LRP2: variants seen among roughly 807,000 people sequenced by gnomAD.
LRP2 encodes low-density lipoprotein receptor-related protein 2.
LRP2 carries 172 observed loss-of-function variants against 531.0 expected under a neutral mutation model. The ratio of observed to expected loss-of-function variants is 0.32; its 90% CI spans 0.29 to 0.37. LRP2 has a LOEUF of 0.37. Ranked by LOEUF, LRP2 falls within the 10% of genes least tolerant of loss-of-function variation. LRP2 has a pLI of 1.00. For synonymous variants in LRP2, 1,992 were observed against 2,027.6 expected (o/e 0.98, Z 0.47); for missense variants, 5,167 against 5,868.3 (o/e 0.88, Z 3.90).
In LRP2 at chr2:169,257,788, G is replaced by A. The variant is rs1690364411; in HGVS notation, c.2514-539C>T. 4.9e-5 allele frequency among the ~76,000 whole-genome samples: 7 copies of A among 141,516 alleles called. 1 individual carries two copies. The allele number at this position is 141,516 out of a possible 152,430, so 92.8% of individuals were successfully genotyped here. On this transcript the variant is annotated intron_variant, in intron 17 of 78. Transcript: ENST00000649046. Reference sequence around the variant, plus strand: ...CATTTTTTTAATATTCTAAAGAGTGGGAAAAAGATAAGTCTAGAGGCAAAA... The same window carrying A: ...CATTTTTTTAATATTCTAAAGAGTGAGAAAAAGATAAGTCTAGAGGCAAAA...
At position 169,206,765 on chromosome 2, in the gene LRP2, T is replaced by C. The variant is rs201038879; in HGVS notation, c.6955A>G (p.Asn2319Asp). 6.0e-5 allele frequency: 97 copies of C among 1,614,162 alleles called. No individual in the cohort carries two copies. The highest frequency in any genetic ancestry group is 1.3e-5 in the Non-Finnish European group (15 of 1,180,018). Reference protein sequence around the residue: ...NTEPPTVIRDNINWLRDVTIF... With the variant: ...NTEPPTVIRDDINWLRDVTIF... ...GTCACATCTCTTAGCCAGTTGATAT[T>C]GTCTCTTATCACTGTGGGTGGCTCT... The change falls in exon 39 of 79, where the codon AAT becomes GAT. Residue 2319 changes from asparagine (N) to aspartate (D), a missense_variant. Physicochemically the swap from Asn to Asp is conservative, Grantham distance 23. Transcript: ENST00000649046.
intron 9 of LRP2, among the ~76,000 whole-genome samples, chr2:169,286,484 C>T (rs1322089297): frequency 6.6e-6 from 1 of 152,174 alleles, no homozygotes; most frequent in Non-Finnish European, 1.5e-5. Flanking sequence ...GCCTTACATT[C>T]ACTAGTAGGT....
chr2:169,279,266 A>G, intron 12 of LRP2, 106 bp downstream of exon 12: 1 of 856,554 alleles, frequency 1.2e-6, no homozygotes, highest in Non-Finnish European at 2.0e-6. Flanking sequence ...ATACAGCCTA[A>G]AAGAAATCAG....
intron 1 of LRP2, among the ~76,000 whole-genome samples, chr2:169,326,225 C>A (rs1408606656): frequency 1.5e-3 from 193 of 126,272 alleles, no homozygotes; most frequent in African/African-American, 5.3e-3. Context: ...CCCTCTCGGT[C>A]TCCCTCTCCC....
chr2:169,327,123 G>C lies in LRP2; in HGVS notation c.80-6239C>G, dbSNP rs867860762. On this transcript the variant is annotated intron_variant, in intron 1 of 78. Transcript: ENST00000649046. ...CCCCGCCCGGCCAGCCGCCCCATCC[G>C]GGAGGGAGGTGGGGGGGTCAGCCCC... Among the ~76,000 whole-genome samples the C allele has an allele frequency of 2.8e-5, 4 of 140,920 alleles. No individual in the cohort carries two copies. The East Asian group carries it at 8.2e-4, about 29-fold the overall frequency. The allele number at this position is 140,920 out of a possible 152,430, so 92.4% of individuals were successfully genotyped here.
intron 1 of LRP2, among the ~76,000 whole-genome samples, chr2:169,331,581 G>A (rs1296659875): frequency 6.6e-6 from 1 of 152,104 alleles, no homozygotes; most frequent in African/African-American, 2.4e-5. Flanking sequence ...CCCCACTAGA[G>A]ACTAACTGGT....
chr2:169,162,251 A>G (rs1278415119), intron 63 of LRP2, among the ~76,000 whole-genome samples: 2 of 152,188 alleles, frequency 1.3e-5, no homozygotes, highest in African/African-American at 4.8e-5. Flanking sequence ...AGAGATAATA[A>G]CATCTAACTC....
intron 32 of LRP2, among the ~76,000 whole-genome samples, chr2:169,225,676 G>A (rs1689177852): frequency 6.6e-6 from 1 of 152,178 alleles, no homozygotes. Context: ...CTCCAGTACT[G>A]GCTACAGAGA....
rs982274010 is a variant in LRP2, at chr2:169,257,249, C to T, written c.2514G>A (p.Gly838=). The change falls in exon 18 of 79, where the codon GGG becomes GGA. Residue 838 remains glycine, a splice_region_variant and synonymous_variant. Transcript: ENST00000649046. ...GGAACCAATCAGTGAAGAATAGATA[C>T]CTAGAAAAAGCAGTAGTAAATTAAG... ...PRSVVVHPFA[G]YLFFTDWFRP... 1 of 1,612,200 alleles carries T rather than the reference C, an allele frequency of 6.2e-7. No homozygotes were observed. The highest frequency in any genetic ancestry group is 8.5e-7 in the Non-Finnish European group (1 of 1,178,812).
intron 38 of LRP2, among the ~76,000 whole-genome samples, chr2:169,208,547 C>T (rs971409243): frequency 1.3e-5 from 2 of 152,176 alleles, no homozygotes; most frequent in African/African-American, 4.8e-5. Context: ...ACCTCCACCT[C>T]CCGGCTTCAA....
At chr2:169,304,031 T>C (rs1684351512) in intron 4 of LRP2, among the ~76,000 whole-genome samples, 1 of 152,188 alleles carries the variant, frequency 6.6e-6, no homozygotes, top group African/African-American at 2.4e-5. Flanking sequence ...TCCTGCCAGG[T>C]TTTTGCCAGA....
Position 169,156,283 on chromosome 2 carries a change from C to A in LRP2, c.12142G>T (p.Ala4048Ser). The A allele has an allele frequency of 6.2e-7, 1 of 1,613,682 alleles. No homozygotes were observed. Among genetic ancestry groups the A allele is most frequent in the South Asian group, 1.1e-5 (1 of 91,074 alleles). Residue 4048 changes from alanine (A) to serine (S), a missense_variant, in exon 65 of 79, where the codon GCA becomes TCA. This residue lies in a region of LRP2 where 564 missense variants were observed against 747.7 expected (regional missense o/e 0.75). Coordinates refer to ENST00000649046, the MANE Select transcript of LRP2 (RefSeq NM_004525.3). ...SMSDRPGKRC[A>S]AEGSSPLLLL... ...CATGAACCCATCATACCCTCAGCTG[C>A]ACATCGTTTTCCAGGGCGGTCACTC...
At position 169,165,942 on chromosome 2, in the gene LRP2, T is replaced by C. The variant is rs769923583; in HGVS notation, c.11748A>G (p.Thr3916=). The stretch of plus-strand genomic sequence containing the variant: ...TTGACTTTTGCTTACAGTGCTCCTC[T>C]GTCTCATCAGTTCCATCTCCACAGT... ...VDDCGDGTDE[T]EEHCRKPTPK... Residue 3916 remains threonine, a synonymous_variant, in exon 62 of 79, where the codon ACA becomes ACG. Coordinates refer to ENST00000649046, the MANE Select transcript of LRP2 (RefSeq NM_004525.3). The C allele has an allele frequency of 5.6e-6, 9 of 1,614,084 alleles. No individual in the cohort carries two copies. The highest frequency in any genetic ancestry group is 7.6e-6 in the Non-Finnish European group (9 of 1,179,944).
chr2:169,132,460 C>A (rs1685328253), intron 77 of LRP2, 114 bp downstream of exon 77: 1 of 734,266 alleles, frequency 1.4e-6, no homozygotes. Context: ...GTCAACACAT[C>A]TTGAGATCTT....
At chr2:169,172,174 C>A in intron 57 of LRP2, 40 bp from the exon 58 acceptor site, 1 of 1,613,092 alleles carries the variant, frequency 6.2e-7, no homozygotes, top group Non-Finnish European at 8.5e-7. Context: ...AAACCATTGG[C>A]AGAGAAATGC....
At chr2:169,288,329 G>A (rs1014304302) in intron 9 of LRP2, among the ~76,000 whole-genome samples, 9 of 152,180 alleles carry the variant, frequency 5.9e-5, no homozygotes, top group African/African-American at 2.2e-4. Flanking sequence ...AAATCTCATT[G>A]GGAGAAATCA....
At chr2:169,361,064 G>A (rs551194659) in intron 1 of LRP2, among the ~76,000 whole-genome samples, 18 of 152,176 alleles carry the variant, frequency 1.2e-4, no homozygotes, top group African/African-American at 4.3e-4. Context: ...TACAACAATA[G>A]GGGTTTCATT....
chr2:169,197,283 T>C (rs974338842), intron 45 of LRP2, among the ~76,000 whole-genome samples: 10 of 152,306 alleles, frequency 6.6e-5, no homozygotes, highest in South Asian at 2.1e-4. Context: ...TTGTATTTGT[T>C]AGAAATACCA....
chr2:169,310,804 G>C (rs545544767), intron 3 of LRP2, among the ~76,000 whole-genome samples: 17 of 152,316 alleles, frequency 1.1e-4, no homozygotes, highest in African/African-American at 3.1e-4. Context: ...ACCTCTGGTA[G>C]AATTCGGCTG....
Sources: allele counts gnomAD v4.1 joint callset (sites outside exome capture counted in the v4.1 genomes callset), GRCh38; gene constraint gnomAD v4.1.1; regional missense constraint gnomAD v4.1.1; transcripts MANE v1.5; gene names NCBI Gene and HGNC (gene_info 2026-07-23, HGNC 2026-07-21).